Variants in ATPSCKMT observed in about 807,000 individuals in gnomAD.
The protein encoded by ATPSCKMT is ATP synthase c subunit lysine N-methyltransferase.
In ATPSCKMT, 24 loss-of-function variants were observed where a neutral mutation model predicts 24.3. The observed-to-expected ratio is 0.99, with a 90% CI of 0.71 to 1.39. The LOEUF (loss-of-function observed/expected upper bound fraction) is 1.39, where lower values mean the gene tolerates loss of function less well. Ranked by LOEUF, ATPSCKMT falls within the 40% of genes most tolerant of loss-of-function variation. The pLI is 0.00. For missense variants in ATPSCKMT, 311 were observed against 298.4 expected, an observed-to-expected ratio of 1.04 and a Z score of -0.31; for synonymous variants, 95 against 110.5, an observed-to-expected ratio of 0.86 and a Z score of 0.88.
At position 10,239,148 on chromosome 5, in the gene ATPSCKMT, C is replaced by T. The variant is rs200776667; in HGVS notation, c.225G>A (p.Thr75=). 60 of 1,614,070 alleles carry T rather than the reference C, an allele frequency of 3.7e-5. No homozygotes were observed. Among genetic ancestry groups the T allele is most frequent in the Non-Finnish European group, 4.7e-5 (55 of 1,180,052 alleles). Residue 75 remains threonine (T), a synonymous_variant, in exon 2 of 5, where the codon ACG becomes ACA. Coordinates refer to ENST00000511437, the MANE Select transcript of ATPSCKMT (RefSeq NM_199133.4). ...TTTTCACAACATTTTCAATCTGCTT[C>T]GTAGTTGCAGGTACAAACGGCAAAC... is the stretch of plus-strand genomic sequence containing the variant. ...KVCLPFVPAT[T]KQIENVVKML... is the part of the protein sequence containing the mutation.
chr5:10,230,447 A>G (rs573790282), intron 4 of ATPSCKMT, among the ~76,000 whole-genome samples: 58 of 152,266 alleles, frequency 3.8e-4, no homozygotes, highest in Middle Eastern at 3.4e-3. Flanking sequence ...TTATTTCCAA[A>G]TGATTGTCAT....
intron 1 of ATPSCKMT, chr5:10,244,479 A>T (rs1292547323): frequency 6.6e-6 from 1 of 152,208 alleles, no homozygotes; most frequent in African/African-American, 2.4e-5. Flanking sequence ...AGATCGCTTG[A>T]GCCCGGGAAT....
Position 10,227,334 on chromosome 5 carries a change from TCA to T in ATPSCKMT, c.*105_*106del. On this transcript the variant is annotated 3_prime_UTR_variant, in exon 5 of 5. Transcript: ENST00000511437. ...AGTTAAGGAAAGTAATAGTAATTTC[TCA>T]TTCCAAACCAAAGACAATTATGCTC... The T allele has an allele frequency of 8.5e-7, 1 of 1,172,754 alleles. No individual in the cohort carries two copies. The highest frequency in any genetic ancestry group is 1.2e-6 in the Non-Finnish European group (1 of 829,654). 72.6% of individuals were successfully genotyped at this position (1,172,754 alleles called of 1,614,324 possible).
chr5:10,229,817 C>T (rs575509402), intron 4 of ATPSCKMT, among the ~76,000 whole-genome samples: 45 of 152,320 alleles, frequency 3.0e-4, no homozygotes, highest in Non-Finnish European at 4.4e-4. Flanking sequence ...CTTGTGTATT[C>T]GAATGCTCGA....
Position 10,227,316 on chromosome 5 carries a change from G to T in ATPSCKMT, c.*125C>A, listed in dbSNP as rs1297337783. 2 of 968,074 alleles carry T rather than the reference G, an allele frequency of 2.1e-6. No individual in the cohort carries two copies. The highest frequency in any genetic ancestry group is 1.6e-5 in the African/African-American group (1 of 61,016). 60.0% of individuals were successfully genotyped at this position (968,074 alleles called of 1,614,324 possible). A position where few individuals can be genotyped will look rare whatever the true frequency, so the allele number is the denominator to read the frequency against. ...TCGTTTGTTTTCTCCAACAGTTAAG[G>T]AAAGTAATAGTAATTTCTCATTCCA... On this transcript the variant is annotated 3_prime_UTR_variant, in exon 5 of 5. Transcript: ENST00000511437.
chr5:10,239,845 A>G (rs1426627051), intron 1 of ATPSCKMT, among the ~76,000 whole-genome samples: 1 of 152,214 alleles, frequency 6.6e-6, no homozygotes, highest in Admixed American at 6.5e-5. Context: ...ATACAATTTT[A>G]AAGTAATAGA....
chr5:10,227,061 A>G lies in ATPSCKMT; in HGVS notation c.*380T>C, dbSNP rs1051799432. 28 of 182,274 alleles carry G rather than the reference A, an allele frequency of 1.5e-4. No homozygotes were observed. The highest frequency in any genetic ancestry group is 6.4e-4 in the African/African-American group (27 of 42,152). 11.3% of individuals were successfully genotyped at this position (182,274 alleles called of 1,614,324 possible). A position where few individuals can be genotyped will look rare whatever the true frequency, so the allele number is the denominator to read the frequency against. ...ACTTAAGTATGAACAAAGTTATAGG[A>G]TACTACAAACAGTTGGTAATATATA... On this transcript the variant is annotated 3_prime_UTR_variant, in exon 5 of 5. Transcript: ENST00000511437.
rs1244552856 is a variant in ATPSCKMT, at chr5:10,226,795, G to C, written c.*646C>G. ...GATACACAGAAAGCCAAGGCTCAGA[G>C]GCAGTAAGTCATGGGTCCGAGGCCT... On this transcript the variant is annotated 3_prime_UTR_variant, in exon 5 of 5. Coordinates refer to ENST00000511437, the MANE Select transcript of ATPSCKMT (RefSeq NM_199133.4). 1 of 152,456 alleles carries C rather than the reference G, an allele frequency of 6.6e-6. No homozygotes were observed. The highest frequency in any genetic ancestry group is 2.4e-5 in the African/African-American group (1 of 41,444). 9.4% of individuals were successfully genotyped at this position (152,456 alleles called of 1,614,324 possible).
rs1267838733 is a variant in ATPSCKMT, at chr5:10,240,200, C to G, written c.17-844G>C. Among the ~76,000 whole-genome samples the G allele has an allele frequency of 3.3e-5, 5 of 150,838 alleles. 1 individual carries two copies. Among genetic ancestry groups the G allele is most frequent in the African/African-American group, 1.2e-4 (5 of 41,048 alleles). On this transcript the variant is annotated intron_variant, in intron 1 of 4. Coordinates refer to ENST00000511437, the MANE Select transcript of ATPSCKMT (RefSeq NM_199133.4). The stretch of plus-strand genomic sequence containing the variant: ...AGTGAGCCGAGATCGCACCACTGCA[C>G]TCCAGCCGGGGTGACAGAGCGAGAC...
At chr5:10,232,395 A>T (rs952943495) in intron 4 of ATPSCKMT, among the ~76,000 whole-genome samples, 1 of 152,216 alleles carries the variant, frequency 6.6e-6, no homozygotes, top group African/African-American at 2.4e-5. Flanking sequence ...TGGGCCAGCT[A>T]GAAGAAGAAA....
chr5:10,233,223 G>A (rs370189116), intron 4 of ATPSCKMT, among the ~76,000 whole-genome samples: 15 of 152,158 alleles, frequency 9.9e-5, no homozygotes, highest in African/African-American at 2.9e-4. Context: ...ACCCAGCCAC[G>A]GCTGGGATGG....
intron 1 of ATPSCKMT, among the ~76,000 whole-genome samples, chr5:10,245,264 A>T (rs1482658439): frequency 6.6e-6 from 1 of 151,736 alleles, no homozygotes; most frequent in African/African-American, 2.4e-5. Context: ...ACTAAAAATC[A>T]AAAAAATTAG....
intron 1 of ATPSCKMT, among the ~76,000 whole-genome samples, chr5:10,245,107 A>T (rs1482048925): frequency 6.6e-6 from 1 of 152,056 alleles, no homozygotes; most frequent in Non-Finnish European, 1.5e-5. Context: ...TCCTCAGTAA[A>T]ATTTGGAAAT....
At chr5:10,248,099 A>G (rs1317229244) in intron 1 of ATPSCKMT, among the ~76,000 whole-genome samples, 2 of 152,384 alleles carry the variant, frequency 1.3e-5, no homozygotes, top group Non-Finnish European at 2.9e-5. Context: ...AAGCGGGCTT[A>G]TATCAGAATG....
intron 1 of ATPSCKMT, among the ~76,000 whole-genome samples, chr5:10,245,295 C>A (rs1744862103): frequency 6.6e-6 from 1 of 151,910 alleles, no homozygotes; most frequent in Non-Finnish European, 1.5e-5. Flanking sequence ...TGGTGGGCGC[C>A]TGTAGTCCCA....
At chr5:10,238,047 T>C (rs1744454167) in intron 2 of ATPSCKMT, among the ~76,000 whole-genome samples, 1 of 152,182 alleles carries the variant, frequency 6.6e-6, no homozygotes, top group Admixed American at 6.5e-5. Flanking sequence ...ACCTGGCCAC[T>C]AATAAATTTC....
In ATPSCKMT at chr5:10,225,692, C is replaced by A. The variant is rs188437868; in HGVS notation, c.*1749G>T. Among the ~76,000 whole-genome samples, 99 of 152,250 alleles carry A rather than the reference C, an allele frequency of 6.5e-4. No homozygotes were observed. The highest frequency in any genetic ancestry group is 2.3e-3 in the African/African-American group (97 of 41,530). ...AAGACCTGCCCCCATAATTCAATCA[C>A]CTCCCACCAGGTCCTTCCCACAACA... On this transcript the variant is annotated 3_prime_UTR_variant, in exon 5 of 5. Transcript: ENST00000511437.
At position 10,227,077 on chromosome 5, in the gene ATPSCKMT, G is replaced by A. The variant is rs148205733; in HGVS notation, c.*364C>T. The A allele has an allele frequency of 3.8e-4, 81 of 213,948 alleles. No individual in the cohort carries two copies. Among genetic ancestry groups the A allele is most frequent in the African/African-American group, 1.7e-3 (75 of 43,226 alleles). The allele number at this position is 213,948 out of a possible 1,614,324, so 13.3% of individuals were successfully genotyped here. A position where few individuals can be genotyped will look rare whatever the true frequency, so the allele number is the denominator to read the frequency against. ...AGTTATAGGATACTACAAACAGTTG[G>A]TAATATATACTGTCTTTAAAAATCA... On this transcript the variant is annotated 3_prime_UTR_variant, in exon 5 of 5. Transcript: ENST00000511437.
chr5:10,238,763 T>C (rs1174464186), intron 2 of ATPSCKMT, among the ~76,000 whole-genome samples: 5 of 152,228 alleles, frequency 3.3e-5, no homozygotes, highest in African/African-American at 7.2e-5. Flanking sequence ...TTTAACATAT[T>C]TCTTCTCATG....
Sources: allele counts gnomAD v4.1 joint callset (sites outside exome capture counted in the v4.1 genomes callset), GRCh38; gene constraint gnomAD v4.1.1; transcripts MANE v1.5; gene names NCBI Gene and HGNC (gene_info 2026-07-23, HGNC 2026-07-21).